ULK4: variants seen among roughly 807,000 people sequenced by gnomAD.
ULK4 encodes unc-51 like kinase 4, also known as inactive serine/threonine-protein kinase ULK4.
Under a neutral mutation model 160.6 loss-of-function variants are expected in ULK4, and 133 were observed. That is an observed-to-expected ratio of 0.83 (90% CI 0.72 to 0.96). The LOEUF (loss-of-function observed/expected upper bound fraction) is 0.96, where lower values mean the gene tolerates loss of function less well. Among genes scored for constraint, ULK4 ranks in the 40% least tolerant of loss-of-function variants. The pLI, the probability that ULK4 is intolerant of heterozygous loss-of-function variation, is 0.00. For missense variants in ULK4, 1,580 were observed against 1,499.5 expected (o/e 1.05, Z -0.89); for synonymous variants, 534 against 539.8 (o/e 0.99, Z 0.15).
chr3:41,899,545 C>T (rs757142415), intron 13 of ULK4, among the ~76,000 whole-genome samples: 3 of 152,180 alleles, frequency 2.0e-5, no homozygotes, highest in East Asian at 3.8e-4. Flanking sequence ...CAGCCCAAGA[C>T]GGCTTTGAAA....
intron 34 of ULK4, among the ~76,000 whole-genome samples, chr3:41,445,997 G>C (rs907332672): frequency 6.6e-6 from 1 of 151,872 alleles, no homozygotes; most frequent in African/African-American, 2.4e-5. Context: ...CTAATATCAA[G>C]AATCTACAAT....
chr3:41,728,010 T>C (rs2037708405), intron 22 of ULK4, among the ~76,000 whole-genome samples: 1 of 152,214 alleles, frequency 6.6e-6, no homozygotes. Flanking sequence ...AGAGCCACCA[T>C]TTACTAATAT....
At chr3:41,570,730 G>A (rs1204471657) in intron 31 of ULK4, among the ~76,000 whole-genome samples, 1 of 152,164 alleles carries the variant, frequency 6.6e-6, no homozygotes, top group Non-Finnish European at 1.5e-5. Flanking sequence ...ATGAGTGAGT[G>A]CCACTTGTTG....
chr3:41,309,329 A>C (rs1012461864), intron 35 of ULK4, among the ~76,000 whole-genome samples: 8 of 151,954 alleles, frequency 5.3e-5, no homozygotes, highest in Non-Finnish European at 1.0e-4. Flanking sequence ...AGATAAAGGG[A>C]ATATATATAT....
At chr3:41,603,927 A>G (rs1023236684) in intron 31 of ULK4, among the ~76,000 whole-genome samples, 7 of 152,146 alleles carry the variant, frequency 4.6e-5, no homozygotes, top group African/African-American at 1.2e-4. Context: ...TCCCTATACC[A>G]TAACTATTCA....
chr3:41,897,117 A>G (rs1269476046), intron 14 of ULK4, 114 bp from the exon 15 acceptor site: 3 of 861,466 alleles, frequency 3.5e-6, no homozygotes, highest in Non-Finnish European at 5.1e-6. Flanking sequence ...CAAACATTAC[A>G]CTGTCAAAAC....
chr3:41,453,452 C>T (rs2083468031), intron 34 of ULK4, among the ~76,000 whole-genome samples: 1 of 152,218 alleles, frequency 6.6e-6, no homozygotes, highest in African/African-American at 2.4e-5. Flanking sequence ...GCCAGTATTA[C>T]AGGCATGAGC....
Position 41,911,389 on chromosome 3 carries a change from G to A in ULK4, c.1016-3C>T. On this transcript the variant is annotated splice_polypyrimidine_tract_variant and splice_region_variant and intron_variant, in intron 10 of 36. Coordinates refer to ENST00000301831, the MANE Select transcript of ULK4 (RefSeq NM_017886.4). ...AGGCCGAAACTCAGTTGGATTTTCTGTAGCAGGAAAGTAATATGTTATCCA... is the reference window on the plus strand; with the variant it reads ...AGGCCGAAACTCAGTTGGATTTTCTATAGCAGGAAAGTAATATGTTATCCA... The A allele has an allele frequency of 2.5e-6, 4 of 1,614,034 alleles. No homozygotes were observed. The South Asian group carries it at 3.3e-5, about 13-fold the overall frequency.
chr3:41,918,491 G>A lies in ULK4; in HGVS notation c.693C>T (p.Ile231=). The change falls in exon 7 of 37, where the codon ATC becomes ATT. Residue 231 remains isoleucine, a synonymous_variant. Transcript: ENST00000301831. ...TAGGTGGCAAAGGATCTTCACATAA[G>A]ATCTTTTCAGTTAATTCTGAAATAC... ...SESISELTEK[I]LCEDPLPPIP... is the part of the protein sequence containing the mutation. The A allele has an allele frequency of 6.3e-7, 1 of 1,579,592 alleles. No individual in the cohort carries two copies. The highest frequency in any genetic ancestry group is 8.6e-7 in the Non-Finnish European group (1 of 1,165,292).
intron 35 of ULK4, among the ~76,000 whole-genome samples, chr3:41,265,746 C>T (rs2079020485): frequency 6.6e-6 from 1 of 152,158 alleles, no homozygotes; most frequent in Non-Finnish European, 1.5e-5. Flanking sequence ...AAGGCAGGGC[C>T]ACAGCTTTGA....
chr3:41,746,272 C>CAAAAAAAAAAAAAAAAAA (rs34582395), intron 22 of ULK4, among the ~76,000 whole-genome samples: 10 of 45,718 alleles, frequency 2.2e-4, no homozygotes, highest in African/African-American at 8.5e-4. Context: ...CTGGAACCCA[C>CAAAAAAAAAAAAAAAAAA]AAAAAAAAAA....
chr3:41,933,454 T>C (rs1699661010), intron 4 of ULK4, among the ~76,000 whole-genome samples: 3 of 152,202 alleles, frequency 2.0e-5, no homozygotes, highest in Admixed American at 2.0e-4. Context: ...TGACATTACA[T>C]AAACCAAAGG....
intron 35 of ULK4, among the ~76,000 whole-genome samples, chr3:41,368,021 C>T (rs1049086555): frequency 4.3e-4 from 66 of 151,880 alleles, no homozygotes; most frequent in African/African-American, 1.6e-3. Flanking sequence ...AAGTTATCAA[C>T]CATCACTATA....
chr3:41,674,787 G>A (rs1164678041), intron 29 of ULK4, among the ~76,000 whole-genome samples: 3 of 152,070 alleles, frequency 2.0e-5, no homozygotes, highest in Non-Finnish European at 4.4e-5. Context: ...GAAGACAGAG[G>A]GATTCTGTAA....
At chr3:41,586,415 T>C (rs2030805968) in intron 31 of ULK4, among the ~76,000 whole-genome samples, 1 of 152,190 alleles carries the variant, frequency 6.6e-6, no homozygotes, top group Admixed American at 6.5e-5. Flanking sequence ...TGCTGTATGA[T>C]TCCATTTCAT....
chr3:41,804,420 C>A lies in ULK4; in HGVS notation c.1849-4127G>T, dbSNP rs539773094. ...TGAGTAGGTTGCAAAAATTTTCTCC[C>A]ATTTTGTAGGTTGCCTGTTCACTCT... is the stretch of plus-strand genomic sequence containing the variant. On this transcript the variant is annotated intron_variant, in intron 19 of 36. Coordinates refer to ENST00000301831, the MANE Select transcript of ULK4 (RefSeq NM_017886.4). 1.3e-4 allele frequency among the ~76,000 whole-genome samples: 20 copies of A among 152,012 alleles called. No homozygotes were observed. The East Asian group carries it at 2.5e-3, about 19-fold the overall frequency.
intron 21 of ULK4, among the ~76,000 whole-genome samples, chr3:41,780,039 T>G (rs2039775598): frequency 1.4e-5 from 2 of 140,894 alleles, no homozygotes; most frequent in African/African-American, 5.3e-5. Context: ...GTGGCTCACA[T>G]CTGCAATTTC....
chr3:41,279,587 C>T (rs946832373), intron 35 of ULK4, among the ~76,000 whole-genome samples: 2 of 151,990 alleles, frequency 1.3e-5, no homozygotes, highest in African/African-American at 2.4e-5. Context: ...CCAAAGGAAG[C>T]CCATCAGACT....
At chr3:41,801,372 A>G (rs938011112) in intron 19 of ULK4, among the ~76,000 whole-genome samples, 3 of 152,154 alleles carry the variant, frequency 2.0e-5, no homozygotes, top group Non-Finnish European at 4.4e-5. Context: ...ACGCCTTCAA[A>G]AGACCTAATA....
Sources: allele counts gnomAD v4.1 joint callset (sites outside exome capture counted in the v4.1 genomes callset), GRCh38; gene constraint gnomAD v4.1.1; transcripts MANE v1.5; gene names NCBI Gene and HGNC (gene_info 2026-07-23, HGNC 2026-07-21).